The following PCDHGA4 variants were observed in gnomAD, a reference collection of about 807,000 sequenced individuals.
PCDHGA4 encodes protocadherin gamma-A4.
A neutral mutation model predicts 54.6 loss-of-function variants in PCDHGA4; 38 were observed. That is an observed-to-expected ratio of 0.70 (90% CI 0.54 to 0.91). The LOEUF (loss-of-function observed/expected upper bound fraction) is 0.91, where lower values mean the gene tolerates loss of function less well. Among genes scored for constraint, PCDHGA4 ranks in the 40% least tolerant of loss-of-function variants. The pLI is 0.00. For missense variants in PCDHGA4, 1,298 were observed against 1,220.9 expected, an observed-to-expected ratio of 1.06 and a Z score of -0.94; for synonymous variants, 511 against 512.9, an observed-to-expected ratio of 1.00 and a Z score of 0.05.
rs751862164 is a variant in PCDHGA4, at chr5:141,356,126, A to T, written c.1019A>T (p.Tyr340Phe). Residue 340 changes from tyrosine (Y) to phenylalanine (F), a missense_variant, in exon 1 of 4, where the codon TAT (tyrosine) becomes TTT (phenylalanine). By Grantham distance (22) the Tyr-to-Phe change is conservative. Coordinates refer to ENST00000571252, the MANE Select transcript of PCDHGA4 (RefSeq NM_018917.4). ...GDITILGGLD[Y>F]EDSGFYDIDV... is the part of the protein sequence containing the mutation. ...ATAACAATATTGGGGGGTCTAGATT[A>T]TGAGGACTCTGGATTCTATGACATA... The T allele has an allele frequency of 6.2e-7, 1 of 1,613,926 alleles. No individual in the cohort carries two copies.
chr5:141,436,118 T>C (rs188307595), intron 1 of PCDHGA4, among the ~76,000 whole-genome samples: 5 of 152,310 alleles, frequency 3.3e-5, no homozygotes, highest in Admixed American at 2.0e-4. Flanking sequence ...ATGAAACCTC[T>C]CTCCTCCATC....
chr5:141,428,406 C>T (rs908202809), intron 1 of PCDHGA4: 1 of 473,274 alleles, frequency 2.1e-6, no homozygotes, highest in Non-Finnish European at 3.9e-6. Context: ...CCTGGGGTTG[C>T]TTTCACCCTG....
intron 1 of PCDHGA4, chr5:141,366,561 A>G (rs903477065): frequency 3.1e-6 from 5 of 1,614,210 alleles, no homozygotes; most frequent in Admixed American, 1.7e-5. Context: ...GTGGGCGTGG[A>G]TGGGGTTCGG....
rs371823901 is a variant in PCDHGA4 at position 141,384,767 on chromosome 5, C to T, written c.2514+27146C>T. 6.8e-6 allele frequency: 11 copies of T among 1,613,806 alleles called. No individual in the cohort carries two copies. The African/African-American group carries it at 9.3e-5, about 14-fold the overall frequency. The stretch of plus-strand genomic sequence containing the variant: ...GGACTCTTTGCGGTTGGGCTGTACA[C>T]GGGCGAGGTGCGCACGGCTCGGGCC... On this transcript the variant is annotated intron_variant, in intron 1 of 3. Coordinates refer to ENST00000571252, the MANE Select transcript of PCDHGA4 (RefSeq NM_018917.4).
chr5:141,418,996 TG>T (rs745777250), intron 1 of PCDHGA4: 13 of 1,613,756 alleles, frequency 8.1e-6, no homozygotes, highest in Non-Finnish European at 1.1e-5. Flanking sequence ...CAGGGGAAAA[TG>T]GGGAAGTCAG....
Position 141,478,294 on chromosome 5 carries a change from A to G in PCDHGA4, c.2515-16513A>G, listed in dbSNP as rs147994096. The G allele has an allele frequency of 3.6e-3, 5,805 of 1,614,110 alleles. 30 individuals are homozygous for G. Among genetic ancestry groups the G allele is most frequent in the Non-Finnish European group, 3.4e-3 (4,026 of 1,180,032 alleles). The stretch of plus-strand genomic sequence containing the variant: ...ACAAGTGGAAGCAGTCTAGAGACCT[A>G]TACCGAGCCCCGGTGAGCTCACTGT... On this transcript the variant is annotated intron_variant, in intron 1 of 3. Coordinates refer to ENST00000571252, the MANE Select transcript of PCDHGA4 (RefSeq NM_018917.4).
At chr5:141,413,257 T>A (rs777964429) in intron 1 of PCDHGA4, 1 of 1,613,836 alleles carries the variant, frequency 6.2e-7, no homozygotes, top group African/African-American at 1.3e-5. Flanking sequence ...CGGGATTCCA[T>A]GGGAGGCTGG....
Position 141,457,874 on chromosome 5 carries a change from G to A in PCDHGA4, c.2515-36933G>A, listed in dbSNP as rs1592531610. Among the ~76,000 whole-genome samples, 7 of 152,320 alleles carry A rather than the reference G, an allele frequency of 4.6e-5. No homozygotes were observed. In the South Asian group the frequency reaches 1.5e-3, roughly 32 times the overall value. On this transcript the variant is annotated intron_variant, in intron 1 of 3. Transcript: ENST00000571252. ...ACATTCTTCACTGACCACAGGTTAGGAACCCTGTGTGGGGACTGTGTAGAC... is the reference window on the plus strand; with the variant it reads ...ACATTCTTCACTGACCACAGGTTAGAAACCCTGTGTGGGGACTGTGTAGAC...
chr5:141,366,938 A>G (rs1177560870), intron 1 of PCDHGA4: 1 of 843,674 alleles, frequency 1.2e-6, no homozygotes, highest in Non-Finnish European at 1.8e-6. Flanking sequence ...TGGGAAGTCT[A>G]GCTGATATCT....
In PCDHGA4 at chr5:141,432,695, G is replaced by A. The variant is rs1275179569; in HGVS notation, c.2515-62112G>A. ...GCTCAAGCAGAGCCTCGTAGTGGCC[G>A]TCCAGGACCACGGCCAGCCCCCTCT... On this transcript the variant is annotated intron_variant, in intron 1 of 3. Coordinates refer to ENST00000571252, the MANE Select transcript of PCDHGA4 (RefSeq NM_018917.4). This position sits in a 1 kb window ranked among gnomAD's most constrained non-coding sequence, Gnocchi z 6.0. The A allele has an allele frequency of 3.1e-6, 5 of 1,613,822 alleles. No homozygotes were observed. The highest frequency in any genetic ancestry group is 1.7e-5 in the Admixed American group (1 of 60,002).
intron 1 of PCDHGA4, chr5:141,410,799 C>T: frequency 2.9e-5 from 16 of 560,592 alleles, no homozygotes; most frequent in South Asian, 8.0e-5. Context: ...ATAAGTTGCT[C>T]TATCTTTTTG....
At chr5:141,443,475 G>T (rs994058112) in intron 1 of PCDHGA4, among the ~76,000 whole-genome samples, 1 of 152,148 alleles carries the variant, frequency 6.6e-6, no homozygotes, top group African/African-American at 2.4e-5. Flanking sequence ...GACAGAATTA[G>T]ACCCTGTCCC....
Position 141,476,340 on chromosome 5 carries a change from G to A in PCDHGA4, c.2515-18467G>A, listed in dbSNP as rs760616287. The A allele has an allele frequency of 2.2e-5, 36 of 1,614,068 alleles. No homozygotes were observed. In the Admixed American group the frequency reaches 2.5e-4, roughly 11 times the overall value. On this transcript the variant is annotated intron_variant, in intron 1 of 3. Transcript: ENST00000571252. The surrounding 1 kb of genome is among the most constrained non-coding windows in gnomAD (Gnocchi z 7.6). The stretch of plus-strand genomic sequence containing the variant: ...CGGGTGGTGTCTGGAGCTAGCCGAA[G>A]ATTCTTTGAGGTGAACCGGGAGACC...
chr5:141,501,326 CA>C (rs1562200763), intron 2 of PCDHGA4, among the ~76,000 whole-genome samples: 18 of 151,784 alleles, frequency 1.2e-4, no homozygotes, highest in African/African-American at 1.9e-4. Flanking sequence ...CACACACACA[CA>C]CACACACCCC....
intron 2 of PCDHGA4, among the ~76,000 whole-genome samples, chr5:141,502,239 A>G (rs2099813426): frequency 6.6e-6 from 1 of 152,148 alleles, no homozygotes; most frequent in Admixed American, 6.5e-5. Flanking sequence ...GTGTTCTTTT[A>G]TCCTTTTTTT....
intron 1 of PCDHGA4, chr5:141,428,217 C>A: frequency 8.3e-7 from 1 of 1,211,998 alleles, no homozygotes; most frequent in Non-Finnish European, 1.2e-6. Context: ...TTCACCTAGT[C>A]TTCGCAGACA....
chr5:141,486,637 G>A lies in PCDHGA4; in HGVS notation c.2515-8170G>A, dbSNP rs761072169. On this transcript the variant is annotated intron_variant, in intron 1 of 3. Transcript: ENST00000571252. The surrounding 1 kb of genome is among the most constrained non-coding windows in gnomAD (Gnocchi z 5.0). ...CTGACCCAGACTCTGGCTTGAATGC[G>A]CTTATCTCCTACTCACTCCTGGAGC... 3.1e-5 allele frequency: 50 copies of A among 1,613,520 alleles called. No individual in the cohort carries two copies. The highest frequency in any genetic ancestry group is 5.0e-5 in the Admixed American group (3 of 60,000).
chr5:141,447,514 C>T (rs901543835), intron 1 of PCDHGA4, among the ~76,000 whole-genome samples: 20 of 152,196 alleles, frequency 1.3e-4, no homozygotes, highest in Admixed American at 8.5e-4. Context: ...AGATGCATAA[C>T]AATCATAACA....
At position 141,491,168 on chromosome 5, in the gene PCDHGA4, A is replaced by T. The variant is rs1293664414; in HGVS notation, c.2515-3639A>T. On this transcript the variant is annotated intron_variant, in intron 1 of 3. Transcript: ENST00000571252. This position sits in a 1 kb window ranked among gnomAD's most constrained non-coding sequence, Gnocchi z 6.9. ...CTGGAGGATGACTCTGACACCCAGC[A>T]GGTGGTGGTCCTGGTGAGGGACAAT... 3.1e-6 allele frequency: 5 copies of T among 1,614,160 alleles called. No individual in the cohort carries two copies. The highest frequency in any genetic ancestry group is 4.2e-6 in the Non-Finnish European group (5 of 1,179,988).
Sources: allele counts gnomAD v4.1 joint callset (sites outside exome capture counted in the v4.1 genomes callset), GRCh38; gene constraint gnomAD v4.1.1; non-coding constraint Gnocchi (gnomAD v3.1); transcripts MANE v1.5; gene names NCBI Gene and HGNC (gene_info 2026-07-23, HGNC 2026-07-21).